PRKCB: variants seen among roughly 807,000 people sequenced by gnomAD.
The protein encoded by PRKCB is protein kinase C beta.
PRKCB carries 13 observed loss-of-function variants against 81.5 expected under a neutral mutation model. The observed-to-expected ratio is 0.16, with a 90% confidence interval of 0.10 to 0.25. The LOEUF (loss-of-function observed/expected upper bound fraction) is 0.25. Among genes scored for constraint, PRKCB ranks in the 10% least tolerant of loss-of-function variants. PRKCB has a pLI of 1.00. For synonymous variants in PRKCB, 335 were observed against 321.4 expected, an observed-to-expected ratio of 1.04 and a Z score of -0.45; for missense variants, 509 against 875.7, an observed-to-expected ratio of 0.58 and a Z score of 5.29.
intron 5 of PRKCB, among the ~76,000 whole-genome samples, chr16:24,079,892 A>G (rs1268741483): frequency 5.3e-5 from 8 of 152,214 alleles, no homozygotes; most frequent in Non-Finnish European, 7.3e-5. Flanking sequence ...CAAGAAAAGC[A>G]TTCATTTATT....
At chr16:24,119,916 A>G (rs891575699) in intron 8 of PRKCB, among the ~76,000 whole-genome samples, 3 of 152,198 alleles carry the variant, frequency 2.0e-5, no homozygotes, top group African/African-American at 7.2e-5. Flanking sequence ...CTGACCAAGT[A>G]TATTCACAGC....
chr16:24,054,108 G>A (rs1965876283), intron 5 of PRKCB, among the ~76,000 whole-genome samples: 1 of 152,090 alleles, frequency 6.6e-6, no homozygotes, highest in African/African-American at 2.4e-5. Flanking sequence ...GAGTAGCTGG[G>A]ACTGCAGGCA....
At chr16:24,208,530 A>G (rs552290724) in intron 16 of PRKCB, 4 of 152,366 alleles carry the variant, frequency 2.6e-5, no homozygotes, top group African/African-American at 9.6e-5. Flanking sequence ...CTTGTGGTTT[A>G]AATAACCCAG....
chr16:24,192,580 C>A (rs926681638), intron 16 of PRKCB, among the ~76,000 whole-genome samples: 2 of 152,190 alleles, frequency 1.3e-5, no homozygotes, highest in African/African-American at 4.8e-5. Context: ...TGTGGACCTC[C>A]CTTTCCTCTC....
chr16:23,896,058 G>A (rs886196493), intron 2 of PRKCB, among the ~76,000 whole-genome samples: 1 of 136,882 alleles, frequency 7.3e-6, no homozygotes, highest in Non-Finnish European at 1.5e-5. Flanking sequence ...TCCTTTAATG[G>A]GATAATTCAA....
At chr16:24,124,967 A>G (rs1010997664) in intron 9 of PRKCB, among the ~76,000 whole-genome samples, 1 of 152,098 alleles carries the variant, frequency 6.6e-6, no homozygotes, top group Non-Finnish European at 1.5e-5. Context: ...CCCAAATCTA[A>G]TCATTAATAT....
At chr16:24,095,178 G>A (rs766943264) in intron 7 of PRKCB, among the ~76,000 whole-genome samples, 2 of 152,120 alleles carry the variant, frequency 1.3e-5, no homozygotes, top group African/African-American at 4.8e-5. Flanking sequence ...AGACAGAGCC[G>A]ATTTATCAAG....
intron 9 of PRKCB, chr16:24,151,791 G>C (rs1967083101): frequency 8.8e-6 from 4 of 455,984 alleles, no homozygotes; most frequent in Non-Finnish European, 1.8e-5. Context: ...TGCATTTTCA[G>C]AACAGTCATT....
chr16:24,022,830 A>G (rs1965423567), intron 3 of PRKCB, among the ~76,000 whole-genome samples: 2 of 152,176 alleles, frequency 1.3e-5, no homozygotes, highest in African/African-American at 2.4e-5. Flanking sequence ...CCTGACTTAA[A>G]TATAGTAAAC....
intron 7 of PRKCB, among the ~76,000 whole-genome samples, chr16:24,105,913 T>C (rs1966570989): frequency 6.6e-6 from 1 of 152,176 alleles, no homozygotes; most frequent in South Asian, 2.1e-4. Flanking sequence ...GAAAATGTTT[T>C]AATGTTTATA....
intron 5 of PRKCB, among the ~76,000 whole-genome samples, chr16:24,080,346 G>A (rs1348702838): frequency 6.6e-6 from 1 of 152,120 alleles, no homozygotes; most frequent in East Asian, 1.9e-4. Context: ...GAATAGTAGG[G>A]ACTCAGGTAC....
chr16:23,925,553 G>C (rs1039914170), intron 2 of PRKCB, among the ~76,000 whole-genome samples: 1 of 152,092 alleles, frequency 6.6e-6, no homozygotes, highest in South Asian at 2.1e-4. Flanking sequence ...CAGCCTTGAA[G>C]TGCCGAAACC....
chr16:24,102,587 C>A (rs1392058830), intron 7 of PRKCB, among the ~76,000 whole-genome samples: 1 of 152,212 alleles, frequency 6.6e-6, no homozygotes, highest in Admixed American at 6.5e-5. Flanking sequence ...GTGCACCAGC[C>A]CCAGGCCCCC....
chr16:23,897,939 T>C (rs1963405407), intron 2 of PRKCB, among the ~76,000 whole-genome samples: 1 of 151,868 alleles, frequency 6.6e-6, no homozygotes, highest in African/African-American at 2.4e-5. Flanking sequence ...TGCTCTGTTG[T>C]CCAGGCTGGA....
intron 3 of PRKCB, among the ~76,000 whole-genome samples, chr16:24,006,428 C>T (rs1260661686): frequency 6.6e-6 from 1 of 152,234 alleles, no homozygotes; most frequent in Non-Finnish European, 1.5e-5. Context: ...ATTAGCTCCC[C>T]ATCCGAGGAT....
At chr16:24,060,904 C>A (rs1965964029) in intron 5 of PRKCB, among the ~76,000 whole-genome samples, 1 of 152,170 alleles carries the variant, frequency 6.6e-6, no homozygotes, top group South Asian at 2.1e-4. Context: ...CATACAATAT[C>A]CAGATCAGTC....
At chr16:24,007,714 A>C (rs1965144525) in intron 3 of PRKCB, among the ~76,000 whole-genome samples, 1 of 152,192 alleles carries the variant, frequency 6.6e-6, no homozygotes, top group Non-Finnish European at 1.5e-5. Context: ...CCATCTATAA[A>C]TTATTGTGGC....
chr16:24,090,176 A>G (rs574380126), intron 5 of PRKCB, among the ~76,000 whole-genome samples: 1 of 152,210 alleles, frequency 6.6e-6, no homozygotes, highest in Non-Finnish European at 1.5e-5. Flanking sequence ...ATCAAGGTCA[A>G]CATCTTGCTT....
chr16:24,009,980 G>C (rs921278641), intron 3 of PRKCB, among the ~76,000 whole-genome samples: 4 of 152,172 alleles, frequency 2.6e-5, no homozygotes, highest in African/African-American at 9.7e-5. Context: ...TCCAGCCTGG[G>C]TAACAGAGCA....
Sources: gnomAD v4.1 joint callset for allele counts (sites outside exome capture counted in the v4.1 genomes callset) on GRCh38, gnomAD v4.1.1 for gene constraint, MANE v1.5 for transcripts, NCBI Gene and HGNC (gene_info 2026-07-23, HGNC 2026-07-21) for gene names.